The following TTL variants were observed in gnomAD, a reference collection of about 807,000 sequenced individuals.
The protein encoded by TTL is tubulin tyrosine ligase.
A neutral mutation model predicts 41.1 loss-of-function variants in TTL; 10 were observed. That is an observed-to-expected ratio of 0.24 (90% CI 0.15 to 0.41). The LOEUF (loss-of-function observed/expected upper bound fraction) is 0.41, where lower values mean the gene tolerates loss of function less well. TTL is among the 10% of genes least tolerant of loss of function. The pLI, the probability that TTL is intolerant of heterozygous loss-of-function variation, is 1.00. For missense variants in TTL, 367 were observed against 460.4 expected, an observed-to-expected ratio of 0.80 and a Z score of 1.86; for synonymous variants, 175 against 175.5, an observed-to-expected ratio of 1.00 and a Z score of 0.02.
chr2:112,526,167 G>A (rs1372047528), intron 6 of TTL, among the ~76,000 whole-genome samples: 1 of 152,188 alleles, frequency 6.6e-6, no homozygotes, highest in Non-Finnish European at 1.5e-5. Context: ...GCTTTTTGAT[G>A]TGCTGCTGGA....
In TTL at chr2:112,503,264, A is replaced by G. The variant is rs368970888; in HGVS notation, c.875+83A>G. 158 of 1,280,588 alleles carry G rather than the reference A, an allele frequency of 1.2e-4. No homozygotes were observed. The African/African-American group carries it at 1.4e-3, about 11-fold the overall frequency. The allele number at this position is 1,280,588 out of a possible 1,614,324, so 79.3% of individuals were successfully genotyped here. On this transcript the variant is annotated intron_variant, in intron 5 of 6. Transcript: ENST00000233336. ...TATGCCTTTCAAAGAATTGTTTCAT[A>G]TAAGTTGTCTAATTTATGGTCAAAA...
At chr2:112,495,148 A>G (rs114014842) in intron 3 of TTL, among the ~76,000 whole-genome samples, 6,257 of 152,140 alleles carry the variant, frequency 0.041, 453 homozygotes, top group African/African-American at 0.14. Flanking sequence ...GAATATTCCA[A>G]ACTTGTCTCT....
intron 5 of TTL, among the ~76,000 whole-genome samples, chr2:112,508,961 C>T (rs1201889233): frequency 3.4e-5 from 1 of 29,684 alleles, no homozygotes; most frequent in Non-Finnish European, 5.6e-5. Context: ...TACTTTTGGT[C>T]TTTGATGATG....
chr2:112,523,902 A>G (rs1021066101), intron 6 of TTL, among the ~76,000 whole-genome samples: 1 of 151,916 alleles, frequency 6.6e-6, no homozygotes, highest in Non-Finnish European at 1.5e-5. Context: ...CCATTAACTC[A>G]TCATTTACAT....
chr2:112,528,699 G>A lies in TTL; in HGVS notation c.1038G>A (p.Leu346=). 1 of 1,614,100 alleles carries A rather than the reference G, an allele frequency of 6.2e-7. No homozygotes were observed. Reference sequence around the variant, plus strand: ...ATTTCAGGAAGCTCTATGCAGAACTGTGCCAAGGCATCGTGGACATAGCCA... The same window carrying A: ...ATTTCAGGAAGCTCTATGCAGAACTATGCCAAGGCATCGTGGACATAGCCA... The part of the protein sequence containing the change: ...PACAQKLYAE[L]CQGIVDIAIS... Residue 346 remains leucine (L), a synonymous_variant, in exon 7 of 7, where the codon CTG becomes CTA. Transcript: ENST00000233336.
At chr2:112,511,088 G>A (rs918357125) in intron 5 of TTL, among the ~76,000 whole-genome samples, 2 of 152,086 alleles carry the variant, frequency 1.3e-5, no homozygotes, top group African/African-American at 2.4e-5. Context: ...CACAAACATG[G>A]TTTGCTGCAG....
intron 3 of TTL, among the ~76,000 whole-genome samples, chr2:112,499,813 CAGTA>C (rs1681642501): frequency 6.6e-6 from 1 of 152,262 alleles, no homozygotes; most frequent in Non-Finnish European, 1.5e-5. Flanking sequence ...AAAGAGCAAA[CAGTA>C]AGACCCCAGC....
intron 2 of TTL, among the ~76,000 whole-genome samples, chr2:112,489,164 C>T (rs562580558): frequency 4.0e-4 from 61 of 152,156 alleles, no homozygotes; most frequent in Non-Finnish European, 7.8e-4. Context: ...GTTATTTTGA[C>T]ATGTAATTAA....
At chr2:112,527,670 C>T (rs1682402289) in intron 6 of TTL, among the ~76,000 whole-genome samples, 1 of 152,136 alleles carries the variant, frequency 6.6e-6, no homozygotes, top group African/African-American at 2.4e-5. Flanking sequence ...CTTGGTAGAT[C>T]TTCTTCCATC....
chr2:112,490,866 C>T (rs1681364932), intron 2 of TTL, among the ~76,000 whole-genome samples: 1 of 152,076 alleles, frequency 6.6e-6, no homozygotes, highest in South Asian at 2.1e-4. Context: ...AGCCACTGTG[C>T]CCAGCCATAA....
chr2:112,487,362 T>A (rs1385792584), intron 2 of TTL, among the ~76,000 whole-genome samples: 1 of 152,218 alleles, frequency 6.6e-6, no homozygotes, highest in East Asian at 1.9e-4. Flanking sequence ...ATATTTAGAA[T>A]GCAAATGACT....
At position 112,539,651 on chromosome 2, in the gene TTL, C is replaced by G. The variant is rs1209409328; in HGVS notation, c.*10856C>G. 6.6e-6 allele frequency: 1 copy of G among 152,144 alleles called. No individual in the cohort carries two copies. Among genetic ancestry groups the G allele is most frequent in the Non-Finnish European group, 1.5e-5 (1 of 68,038 alleles). 9.4% of individuals were successfully genotyped at this position (152,144 alleles called of 1,614,324 possible). A position where few individuals can be genotyped will look rare whatever the true frequency, so the allele number is the denominator to read the frequency against. Reference sequence around the variant, plus strand: ...AGTATATTTATTCTTGTCACTTCAACATTGTATTAAATGTTCTAGACAGAG... The same window carrying G: ...AGTATATTTATTCTTGTCACTTCAAGATTGTATTAAATGTTCTAGACAGAG... On this transcript the variant is annotated 3_prime_UTR_variant, in exon 7 of 7. Transcript: ENST00000233336.
At chr2:112,493,994 T>C (rs1681460648) in intron 2 of TTL, 149 bp from the exon 3 acceptor site, 1 of 641,754 alleles carries the variant, frequency 1.6e-6, no homozygotes, top group African/African-American at 1.8e-5. Flanking sequence ...TTGAGCTTTG[T>C]CCAGGGAGAC....
rs547961638 is a variant in TTL at position 112,541,592 on chromosome 2, T to C, written c.*12797T>C. Reference sequence around the variant, plus strand: ...AGGAGGATACTGGGTAGTGGTGGTTTAATTCATTGTTTTAATTGTGGTGAT... The same window carrying C: ...AGGAGGATACTGGGTAGTGGTGGTTCAATTCATTGTTTTAATTGTGGTGAT... On this transcript the variant is annotated 3_prime_UTR_variant, in exon 7 of 7. Coordinates refer to ENST00000233336, the MANE Select transcript of TTL (RefSeq NM_153712.5). The C allele has an allele frequency of 2.6e-5, 4 of 154,312 alleles. No individual in the cohort carries two copies. The highest frequency in any genetic ancestry group is 2.6e-4 in the Admixed American group (4 of 15,604). The allele number at this position is 154,312 out of a possible 1,614,324, so 9.6% of individuals were successfully genotyped here.
chr2:112,492,902 A>T (rs536464396), intron 2 of TTL, among the ~76,000 whole-genome samples: 2 of 152,174 alleles, frequency 1.3e-5, no homozygotes, highest in Non-Finnish European at 2.9e-5. Context: ...AATAAAAAAA[A>T]TAAAAATAAA....
At chr2:112,489,129 A>T (rs1242170940) in intron 2 of TTL, among the ~76,000 whole-genome samples, 5 of 152,214 alleles carry the variant, frequency 3.3e-5, no homozygotes, top group Admixed American at 6.5e-5. Flanking sequence ...ATAATTTATT[A>T]TATTTAACTA....
rs940041259 is a variant in TTL, at chr2:112,520,408, T to C, written c.1002T>C (p.Gly334=). Residue 334 remains glycine (G), a synonymous_variant, in exon 6 of 7, where the codon GGT becomes GGC. Transcript: ENST00000233336. Reference sequence around the variant, plus strand: ...AGGTGTGGCTCATTGAGGTCAACGGTGCCCCTGCATGTGCTCAGTAAGCCT... The same window carrying C: ...AGGTGTGGCTCATTGAGGTCAACGGCGCCCCTGCATGTGCTCAGTAAGCCT... ...ELKVWLIEVN[G]APACAQKLYA... 1.8e-5 allele frequency: 29 copies of C among 1,613,820 alleles called. No individual in the cohort carries two copies. Among genetic ancestry groups the C allele is most frequent in the Non-Finnish European group, 2.4e-5 (28 of 1,180,016 alleles).
chr2:112,482,265 G>T lies in TTL; in HGVS notation c.-80G>T. ...GCCGGGCCGCGGCGGGCGCCCGGGC[G>T]GGGTCCGCGCTGAGCCGCCTTCTCG... is the stretch of plus-strand genomic sequence containing the variant. On this transcript the variant is annotated 5_prime_UTR_variant, in exon 1 of 7. Coordinates refer to ENST00000233336, the MANE Select transcript of TTL (RefSeq NM_153712.5). This position sits in a 1 kb window ranked among gnomAD's most constrained non-coding sequence, Gnocchi z 5.3. 1 of 968,282 alleles carries T rather than the reference G, an allele frequency of 1.0e-6. No homozygotes were observed. The highest frequency in any genetic ancestry group is 4.7e-5 in the South Asian group (1 of 21,326). The allele number at this position is 968,282 out of a possible 1,614,324, so 60.0% of individuals were successfully genotyped here.
At chr2:112,523,796 C>T (rs1682304532) in intron 6 of TTL, among the ~76,000 whole-genome samples, 2 of 151,194 alleles carry the variant, frequency 1.3e-5, no homozygotes, top group Non-Finnish European at 2.9e-5. Context: ...ATTTTTTTGA[C>T]ATTTTGTTAT....
Sources: allele counts gnomAD v4.1 joint callset (sites outside exome capture counted in the v4.1 genomes callset), GRCh38; gene constraint gnomAD v4.1.1; non-coding constraint Gnocchi (gnomAD v3.1); transcripts MANE v1.5; gene names NCBI Gene and HGNC (gene_info 2026-07-23, HGNC 2026-07-21).